Variants in KIF13A observed in about 807,000 individuals in gnomAD.
KIF13A encodes kinesin family member 13A, also known as kinesin-like protein KIF13A.
KIF13A carries 79 observed loss-of-function variants against 212.2 expected under a neutral mutation model. That is an observed-to-expected ratio of 0.37 (90% CI 0.31 to 0.45). KIF13A has a LOEUF of 0.45. Among genes scored for constraint, KIF13A ranks in the 20% least tolerant of loss-of-function variants. The probability of loss-of-function intolerance (pLI) is 1.00; values close to 1 mark genes in which losing one functional copy is unlikely to be tolerated. For missense variants in KIF13A, 1,901 were observed against 2,209.0 expected (o/e 0.86, Z 2.79); for synonymous variants, 789 against 808.6 (o/e 0.98, Z 0.41).
Position 17,849,430 on chromosome 6 carries a change from T to A in KIF13A, c.777A>T (p.Val259=). 5.0e-6 allele frequency: 8 copies of A among 1,613,766 alleles called. No homozygotes were observed. The highest frequency in any genetic ancestry group is 6.8e-6 in the Non-Finnish European group (8 of 1,179,808). Residue 259 remains valine, a synonymous_variant, in exon 9 of 39, where the codon GTA becomes GTT. Coordinates refer to ENST00000259711, the MANE Select transcript of KIF13A (RefSeq NM_022113.6). This position sits in a 1 kb window ranked among gnomAD's most constrained non-coding sequence, Gnocchi z 5.7. ...SLVDLAGSER[V]SKTGAAGERL... ...GCTCTCCTGCAGCTCCTGTTTTAGA[T>A]ACTCTTTCGCTACCCGCCAGGTCTA...
chr6:17,877,260 C>T (rs1010505386), intron 3 of KIF13A, among the ~76,000 whole-genome samples: 4 of 151,610 alleles, frequency 2.6e-5, no homozygotes, highest in Admixed American at 6.6e-5. Flanking sequence ...CAACTTACAT[C>T]ATCAACCCGA....
Position 17,763,919 on chromosome 6 carries a change from C to T in KIF13A, c.*191G>A. 7.0e-7 allele frequency: 1 copy of T among 1,424,850 alleles called. No homozygotes were observed. Among genetic ancestry groups the T allele is most frequent in the Non-Finnish European group, 9.1e-7 (1 of 1,094,206 alleles). The allele number at this position is 1,424,850 out of a possible 1,614,324, so 88.3% of individuals were successfully genotyped here. A position where few individuals can be genotyped will look rare whatever the true frequency, so the allele number is the denominator to read the frequency against. On this transcript the variant is annotated 3_prime_UTR_variant, in exon 39 of 39. Transcript: ENST00000259711. ...AACCCATGTGCCAGGTAAAAAAATC[C>T]ACTGGTCTTATAATTTCACAATTGC...
intron 6 of KIF13A, among the ~76,000 whole-genome samples, chr6:17,854,516 A>G (rs1217199428): frequency 6.9e-6 from 1 of 144,532 alleles, no homozygotes; most frequent in East Asian, 2.0e-4. Context: ...CAAATTTTCC[A>G]TAAATAGATA....
At chr6:17,975,364 C>T (rs1250490560) in intron 2 of KIF13A, among the ~76,000 whole-genome samples, 4 of 151,980 alleles carry the variant, frequency 2.6e-5, no homozygotes, top group Non-Finnish European at 5.9e-5. Context: ...AGCTGCGGAC[C>T]CTCACAATGA....
chr6:17,770,828 T>G (rs1759430436), intron 38 of KIF13A: 1 of 792,804 alleles, frequency 1.3e-6, no homozygotes, highest in Non-Finnish European at 1.6e-6. Context: ...ATTTTGGTAT[T>G]AAAAAGATCT....
At position 17,850,604 on chromosome 6, in the gene KIF13A, T is replaced by C; in HGVS notation, c.583-147A>G. ...CTCCCTGCCGCTCCTCCATTGAGCA[T>C]GGTTTGAGCTTCCACCTCACTCAAG... On this transcript the variant is annotated intron_variant, in intron 7 of 38. Transcript: ENST00000259711. The surrounding 1 kb of genome is among the most constrained non-coding windows in gnomAD (Gnocchi z 6.2). 2 of 705,608 alleles carry C rather than the reference T, an allele frequency of 2.8e-6. No individual in the cohort carries two copies. Among genetic ancestry groups the C allele is most frequent in the Non-Finnish European group, 2.2e-6 (1 of 448,554 alleles). The allele number at this position is 705,608 out of a possible 1,614,324, so 43.7% of individuals were successfully genotyped here. A position where few individuals can be genotyped will look rare whatever the true frequency, so the allele number is the denominator to read the frequency against.
intron 4 of KIF13A, among the ~76,000 whole-genome samples, chr6:17,863,791 GT>G (rs896944663): frequency 6.6e-6 from 1 of 151,622 alleles, no homozygotes; most frequent in East Asian, 1.9e-4. Flanking sequence ...AAGGATTTTT[GT>G]TTTTTTTGTT....
At chr6:17,800,789 C>T (rs9969109) in intron 20 of KIF13A, among the ~76,000 whole-genome samples, 32,040 of 151,752 alleles carry the variant, frequency 0.21, 3,575 homozygotes, top group South Asian at 0.35. Flanking sequence ...TTAGTAGAGA[C>T]GGGGTTTCAC....
At chr6:17,917,097 G>A (rs964910090) in intron 2 of KIF13A, among the ~76,000 whole-genome samples, 25 of 151,622 alleles carry the variant, frequency 1.6e-4, no homozygotes, top group African/African-American at 6.0e-4. Flanking sequence ...GCTTGGTGTT[G>A]CTGTCCCCAA....
At position 17,786,518 on chromosome 6, in the gene KIF13A, T is replaced by C. The variant is rs1377734769; in HGVS notation, c.3362-877A>G. ...AGGAGACTGAGGCAGGAGAATTGCT[T>C]GAACCTGGGAGGAGGAGGTTGCAGT... On this transcript the variant is annotated intron_variant, in intron 27 of 38. Transcript: ENST00000259711. The surrounding 1 kb of genome is among the most constrained non-coding windows in gnomAD (Gnocchi z 5.4). Among the ~76,000 whole-genome samples, 6 of 152,046 alleles carry C rather than the reference T, an allele frequency of 3.9e-5. No homozygotes were observed. Among genetic ancestry groups the C allele is most frequent in the Non-Finnish European group, 1.5e-5 (1 of 68,020 alleles).
At chr6:17,805,863 C>T (rs1290758752) in intron 18 of KIF13A, among the ~76,000 whole-genome samples, 1 of 151,942 alleles carries the variant, frequency 6.6e-6, no homozygotes, top group Non-Finnish European at 1.5e-5. Context: ...CCAATCCTCT[C>T]TCCAGTTTTG....
Position 17,837,598 on chromosome 6 carries a change from TG to T in KIF13A, c.831-16del. ...TTGTAAGCGATCTGTCAAGAAAAAA[TG>T]AAAAATTAGTTTTATGGAATGTTTA... On this transcript the variant is annotated splice_polypyrimidine_tract_variant and intron_variant, in intron 9 of 38. Coordinates refer to ENST00000259711, the MANE Select transcript of KIF13A (RefSeq NM_022113.6). This position sits in a 1 kb window ranked among gnomAD's most constrained non-coding sequence, Gnocchi z 5.4. 6.6e-7 allele frequency: 1 copy of T among 1,515,736 alleles called. No individual in the cohort carries two copies. The highest frequency in any genetic ancestry group is 2.3e-5 in the East Asian group (1 of 43,160). The allele number at this position is 1,515,736 out of a possible 1,614,324, so 93.9% of individuals were successfully genotyped here.
chr6:17,860,822 T>C (rs1562067024), intron 4 of KIF13A, among the ~76,000 whole-genome samples: 1 of 152,152 alleles, frequency 6.6e-6, no homozygotes, highest in Non-Finnish European at 1.5e-5. Flanking sequence ...GAAATTCTAA[T>C]GAATCCCATA....
chr6:17,927,396 A>C (rs927257805), intron 2 of KIF13A, among the ~76,000 whole-genome samples: 1 of 152,228 alleles, frequency 6.6e-6, no homozygotes, highest in African/African-American at 2.4e-5. Flanking sequence ...TAAGTGAAAT[A>C]AGACAGACAC....
intron 23 of KIF13A, among the ~76,000 whole-genome samples, chr6:17,796,338 A>T (rs962699762): frequency 8.5e-5 from 6 of 70,318 alleles, no homozygotes; most frequent in African/African-American, 3.0e-4. Context: ...TATAAATAAA[A>T]AAAAAATAAA....
At chr6:17,804,657 AACT>A in intron 19 of KIF13A, 147 bp from the exon 20 acceptor site, 1 of 905,868 alleles carries the variant, frequency 1.1e-6, no homozygotes. Context: ...CATAAATAAA[AACT>A]AAATTAGCTG....
chr6:17,962,446 C>T lies in KIF13A; in HGVS notation c.146+24608G>A, dbSNP rs187809933. On this transcript the variant is annotated intron_variant, in intron 2 of 38. Transcript: ENST00000259711. ...AAGGGAGACCGTTAAAAAAGCAGAG[C>T]GAGGAGAAAATTTGTGCAGGCAAGT... Among the ~76,000 whole-genome samples the T allele has an allele frequency of 3.9e-3, 592 of 152,052 alleles. 2 individuals carry two copies. The highest frequency in any genetic ancestry group is 0.034 in the Middle Eastern group (10 of 294).
chr6:17,873,644 G>C (rs1770226921), intron 3 of KIF13A, among the ~76,000 whole-genome samples: 1 of 152,146 alleles, frequency 6.6e-6, no homozygotes, highest in Admixed American at 6.5e-5. Context: ...CTGGAGTGCA[G>C]TTGAACTATC....
At chr6:17,986,987 C>T in intron 2 of KIF13A, 67 bp downstream of exon 2, 1 of 1,187,460 alleles carries the variant, frequency 8.4e-7, no homozygotes, top group Non-Finnish European at 1.3e-6. Flanking sequence ...TCCCATTTTC[C>T]TGGCTCAAAC....
Sources: allele counts gnomAD v4.1 joint callset (sites outside exome capture counted in the v4.1 genomes callset), GRCh38; gene constraint gnomAD v4.1.1; non-coding constraint Gnocchi (gnomAD v3.1); transcripts MANE v1.5; gene names NCBI Gene and HGNC (gene_info 2026-07-23, HGNC 2026-07-21).